Variants in PDGFB observed in about 807,000 individuals in gnomAD.
PDGFB encodes the protein platelet-derived growth factor subunit B.
PDGFB carries 6 observed loss-of-function variants against 29.0 expected under a neutral mutation model. The ratio of observed to expected loss-of-function variants is 0.21; its 90% CI spans 0.11 to 0.41. PDGFB has a LOEUF of 0.41. Ranked by LOEUF, PDGFB falls within the 10% of genes least tolerant of loss-of-function variation. The pLI, the probability that PDGFB is intolerant of heterozygous loss-of-function variation, is 1.00. For synonymous variants in PDGFB, 144 were observed against 140.8 expected, an observed-to-expected ratio of 1.02 and a Z score of -0.16; for missense variants, 299 against 341.8, an observed-to-expected ratio of 0.87 and a Z score of 0.99.
intron 1 of PDGFB, among the ~76,000 whole-genome samples, chr22:39,239,254 A>C (rs966150469): frequency 5.3e-5 from 8 of 152,086 alleles, no homozygotes; most frequent in Non-Finnish European, 1.0e-4. Flanking sequence ...ATTTTTGAGG[A>C]TGACAAGGAG....
At chr22:39,236,036 G>A (rs996989725) in intron 1 of PDGFB, among the ~76,000 whole-genome samples, 162 bp from the exon 2 acceptor site, 1 of 152,194 alleles carries the variant, frequency 6.6e-6, no homozygotes, top group Non-Finnish European at 1.5e-5. Flanking sequence ...GAGCACAAAG[G>A]CCTCGGGGCC....
chr22:39,238,637 T>G (rs1162847859), intron 1 of PDGFB, among the ~76,000 whole-genome samples: 3 of 152,226 alleles, frequency 2.0e-5, no homozygotes, highest in Non-Finnish European at 2.9e-5. Flanking sequence ...GTGGCAGAGC[T>G]GGGTCGTTCC....
At chr22:39,234,769 C>T (rs989641882) in intron 2 of PDGFB, among the ~76,000 whole-genome samples, 2 of 152,244 alleles carry the variant, frequency 1.3e-5, no homozygotes, top group African/African-American at 4.8e-5. Context: ...TGAAACAGGC[C>T]TGCTATTGAA....
intron 6 of PDGFB, 55 bp downstream of exon 6, chr22:39,225,640 C>T: frequency 6.6e-7 from 1 of 1,515,910 alleles, no homozygotes; most frequent in South Asian, 1.2e-5. Flanking sequence ...CATCCACAGA[C>T]CACAGAGAAG....
At position 39,244,958 on chromosome 22, in the gene PDGFB, C is replaced by T; in HGVS notation, c.-995G>A. Among the ~76,000 whole-genome samples the T allele has an allele frequency of 6.6e-6, 1 of 151,918 alleles. No homozygotes were observed. The highest frequency in any genetic ancestry group is 1.9e-4 in the East Asian group (1 of 5,168). On this transcript the variant is annotated 5_prime_UTR_variant, in exon 1 of 7. Transcript: ENST00000331163. This position sits in a 1 kb window ranked among gnomAD's most constrained non-coding sequence, Gnocchi z 4.5. ...TGCGCAGGGAGGCAGGCAGGCCGCT[C>T]CCGGCTGCAGGAGGAGAAGTTGCCA...
At position 39,225,233 on chromosome 22, in the gene PDGFB, G is replaced by A. The variant is rs998419687; in HGVS notation, c.*109C>T. ...CCATTGGCCGTCCGAATCAGGCATC[G>A]AGACAGACGGACGAGGGAAACAATA... On this transcript the variant is annotated 3_prime_UTR_variant, in exon 7 of 7. Coordinates refer to ENST00000331163, the MANE Select transcript of PDGFB (RefSeq NM_002608.4). The A allele has an allele frequency of 1.3e-5, 2 of 152,722 alleles. No individual in the cohort carries two copies. The highest frequency in any genetic ancestry group is 4.8e-5 in the African/African-American group (2 of 41,342). The allele number at this position is 152,722 out of a possible 1,614,324, so 9.5% of individuals were successfully genotyped here. A position where few individuals can be genotyped will look rare whatever the true frequency, so the allele number is the denominator to read the frequency against.
intron 1 of PDGFB, among the ~76,000 whole-genome samples, chr22:39,236,471 C>T (rs529425322): frequency 3.2e-4 from 49 of 152,222 alleles, no homozygotes; most frequent in Non-Finnish European, 4.7e-4. Context: ...TCGAAAGAGG[C>T]GAAAAGGGAA....
chr22:39,230,519 T>C (rs769499728), intron 4 of PDGFB, among the ~76,000 whole-genome samples: 8 of 152,168 alleles, frequency 5.3e-5, no homozygotes, highest in Non-Finnish European at 1.0e-4. Context: ...GGGCCTGCGG[T>C]ATCCTCATTC....
At chr22:39,229,779 A>G (rs1009913119) in intron 5 of PDGFB, among the ~76,000 whole-genome samples, 2 of 152,220 alleles carry the variant, frequency 1.3e-5, no homozygotes, top group African/African-American at 2.4e-5. Context: ...CTTCAGCCAC[A>G]GCAGTGTGTG....
At chr22:39,241,159 G>T (rs980189359) in intron 1 of PDGFB, 12 of 530,232 alleles carry the variant, frequency 2.3e-5, no homozygotes, top group Non-Finnish European at 4.1e-5. Flanking sequence ...ACGTGACAGT[G>T]GGACTCGCCC....
In PDGFB at chr22:39,237,969, T is replaced by C. The variant is rs566635815; in HGVS notation, c.64-2095A>G. Among the ~76,000 whole-genome samples the C allele has an allele frequency of 7.2e-5, 11 of 152,294 alleles. No individual in the cohort carries two copies. The East Asian group carries it at 2.1e-3, about 29-fold the overall frequency. On this transcript the variant is annotated intron_variant, in intron 1 of 6. Coordinates refer to ENST00000331163, the MANE Select transcript of PDGFB (RefSeq NM_002608.4). ...ACAAGAAGCGTTTGTGGAGTAAAGA[T>C]TCAATTAACCCCCCAGGGGAGGGGC...
At chr22:39,226,697 C>T (rs1405969382) in intron 5 of PDGFB, among the ~76,000 whole-genome samples, 1 of 152,188 alleles carries the variant, frequency 6.6e-6, no homozygotes. Flanking sequence ...AGGTTTCCTC[C>T]CAACCTCTCA....
intron 2 of PDGFB, among the ~76,000 whole-genome samples, chr22:39,235,077 G>A (rs977949897): frequency 1.3e-5 from 2 of 152,312 alleles, no homozygotes; most frequent in African/African-American, 2.4e-5. Flanking sequence ...GGGGCCCAAC[G>A]GGGAGAGGAA....
At chr22:39,227,748 T>C (rs1465580897) in intron 5 of PDGFB, among the ~76,000 whole-genome samples, 1 of 152,196 alleles carries the variant, frequency 6.6e-6, no homozygotes, top group Admixed American at 6.5e-5. Flanking sequence ...CAGGGACAGC[T>C]GTGTCTGCTG....
At chr22:39,232,521 T>C (rs1932334302) in intron 3 of PDGFB, among the ~76,000 whole-genome samples, 1 of 151,834 alleles carries the variant, frequency 6.6e-6, no homozygotes, top group Non-Finnish European at 1.5e-5. Flanking sequence ...GACGGAGTCT[T>C]GCTCTGTCGC....
chr22:39,230,285 A>G (rs922409591), intron 4 of PDGFB, 57 bp from the exon 5 acceptor site: 23 of 1,587,466 alleles, frequency 1.4e-5, no homozygotes, highest in Non-Finnish European at 2.0e-5. Context: ...GGAGCCCGGG[A>G]AGCCCGAATG....
rs1932293358 is a variant in PDGFB, at chr22:39,231,171, C to T, written c.456+451G>A. Among the ~76,000 whole-genome samples, 1 of 152,182 alleles carries T rather than the reference C, an allele frequency of 6.6e-6. No homozygotes were observed. Among genetic ancestry groups the T allele is most frequent in the Non-Finnish European group, 1.5e-5 (1 of 68,032 alleles). ...GAGAGACAAGCAGGTGTCAAAGATG[C>T]AGGGCCACCCATCTGAGCCTTTCTC... is the stretch of plus-strand genomic sequence containing the variant. On this transcript the variant is annotated intron_variant, in intron 4 of 6. Coordinates refer to ENST00000331163, the MANE Select transcript of PDGFB (RefSeq NM_002608.4). This position sits in a 1 kb window ranked among gnomAD's most constrained non-coding sequence, Gnocchi z 4.3.
At chr22:39,235,965 C>T (rs1932433930) in intron 1 of PDGFB, 91 bp from the exon 2 acceptor site, 7 of 867,158 alleles carry the variant, frequency 8.1e-6, no homozygotes, top group South Asian at 1.5e-5. Context: ...CTCGCTTTCT[C>T]CTGTGGAAAG....
At chr22:39,239,102 G>A (rs1932509994) in intron 1 of PDGFB, among the ~76,000 whole-genome samples, 1 of 152,226 alleles carries the variant, frequency 6.6e-6, no homozygotes, top group South Asian at 2.1e-4. Flanking sequence ...GTTACTGGGA[G>A]GCATAATTGC....
Sources: gnomAD v4.1 joint callset for allele counts (sites outside exome capture counted in the v4.1 genomes callset) on GRCh38, gnomAD v4.1.1 for gene constraint, Gnocchi (gnomAD v3.1) non-coding constraint, MANE v1.5 for transcripts, NCBI Gene and HGNC (gene_info 2026-07-23, HGNC 2026-07-21) for gene names.